Variants in SLC5A7 observed in about 807,000 individuals in gnomAD.
The protein encoded by SLC5A7 is high affinity choline transporter 1.
A neutral mutation model predicts 55.4 loss-of-function variants in SLC5A7; 19 were observed. The observed-to-expected ratio is 0.34, with a 90% CI of 0.24 to 0.50. The LOEUF is 0.50. Ranked by LOEUF, SLC5A7 falls within the 20% of genes least tolerant of loss-of-function variation. The probability of loss-of-function intolerance (pLI) is 0.98; values close to 1 mark genes in which losing one functional copy is unlikely to be tolerated. For missense variants in SLC5A7, 506 were observed against 705.3 expected (o/e 0.72, Z 3.20); for synonymous variants, 265 against 263.7 (o/e 1.00, Z -0.05).
At chr2:107,992,825 A>G (rs1677500565) in intron 3 of SLC5A7, 147 bp from the exon 4 acceptor site, 1 of 676,926 alleles carries the variant, frequency 1.5e-6, no homozygotes, top group Non-Finnish European at 2.4e-6. Context: ...CCTAATATTT[A>G]TAGTAGGTTG....
In SLC5A7 at chr2:107,988,305, T is replaced by G. The variant is rs752237303; in HGVS notation, c.150T>G (p.Gly50=). ...EAIIVGGRDI[G]LLVGGFTMTA... ...TCATAGTTGGTGGCCGAGATATTGG[T>G]TTATTGGTTGGTGGATTTACCATGA... Residue 50 remains glycine, a synonymous_variant, in exon 2 of 9, where the codon GGT becomes GGG. Coordinates refer to ENST00000264047, the MANE Select transcript of SLC5A7 (RefSeq NM_021815.5). The G allele has an allele frequency of 1.2e-6, 2 of 1,613,610 alleles. No homozygotes were observed. The highest frequency in any genetic ancestry group is 2.7e-5 in the African/African-American group (2 of 74,856).
rs201135408 is a variant in SLC5A7 at position 107,997,827 on chromosome 2, G to A, written c.449-11G>A. On this transcript the variant is annotated splice_polypyrimidine_tract_variant and intron_variant, in intron 4 of 8. Transcript: ENST00000264047. ...GGCACCTTGACCACAGAACTCTCTT[G>A]TTTGTTTCAGGAGCCACCATCAGCG... 182 of 1,602,136 alleles carry A rather than the reference G, an allele frequency of 1.1e-4. No individual in the cohort carries two copies. Among genetic ancestry groups the A allele is most frequent in the Non-Finnish European group, 1.5e-4 (178 of 1,174,148 alleles).
At chr2:107,995,194 A>C (rs1677619661) in intron 4 of SLC5A7, among the ~76,000 whole-genome samples, 1 of 152,212 alleles carries the variant, frequency 6.6e-6, no homozygotes, top group African/African-American at 2.4e-5. Flanking sequence ...AACCTGTGCA[A>C]CATGTTACTG....
chr2:107,993,705 C>G (rs191863951), intron 4 of SLC5A7, among the ~76,000 whole-genome samples: 1 of 152,226 alleles, frequency 6.6e-6, no homozygotes, highest in East Asian at 1.9e-4. Context: ...GCATGTTATT[C>G]TAAAAGCACT....
At chr2:108,005,372 A>G (rs1417248897) in intron 6 of SLC5A7, among the ~76,000 whole-genome samples, 1 of 152,224 alleles carries the variant, frequency 6.6e-6, no homozygotes, top group African/African-American at 2.4e-5. Context: ...TACTTTCAAA[A>G]TCTTAATTAT....
At chr2:107,998,577 C>T (rs753517488) in intron 5 of SLC5A7, among the ~76,000 whole-genome samples, 4 of 152,230 alleles carry the variant, frequency 2.6e-5, no homozygotes, top group Non-Finnish European at 4.4e-5. Flanking sequence ...TTTTGTGTGT[C>T]TGAACATATT....
intron 4 of SLC5A7, among the ~76,000 whole-genome samples, chr2:107,993,827 A>G (rs1451777102): frequency 6.6e-6 from 1 of 152,234 alleles, no homozygotes; most frequent in Non-Finnish European, 1.5e-5. Context: ...GATATCACCA[A>G]CCCTCTGCTG....
intron 4 of SLC5A7, among the ~76,000 whole-genome samples, chr2:107,994,019 GC>G (rs912761214): frequency 2.0e-5 from 3 of 152,158 alleles, no homozygotes; most frequent in African/African-American, 7.2e-5. Context: ...GAGAAAGCTT[GC>G]CCATGCCTTA....
At position 108,008,559 on chromosome 2, in the gene SLC5A7, G is replaced by A. The variant is rs770501137; in HGVS notation, c.990G>A (p.Val330=). Reference sequence around the variant, plus strand: ...TTGTTCTGCAGTATCTCTGCCCTGTGTATATTTCTTTCTTTGGTCTTGGTG... The same window carrying A: ...TTGTTCTGCAGTATCTCTGCCCTGTATATATTTCTTTCTTTGGTCTTGGTG... ...LPIVLQYLCP[V]YISFFGLGAV... is the part of the protein sequence containing the mutation. The change falls in exon 8 of 9, where the codon GTG becomes GTA. Residue 330 remains valine (V), a synonymous_variant. Transcript: ENST00000264047. 1.2e-6 allele frequency: 2 copies of A among 1,613,598 alleles called. No homozygotes were observed. Among genetic ancestry groups the A allele is most frequent in the East Asian group, 2.2e-5 (1 of 44,846 alleles).
chr2:108,000,163 G>GCA lies in SLC5A7; in HGVS notation c.598-1722_598-1721dup, dbSNP rs558509063. Reference sequence around the variant, plus strand: ...AACAGATGTGGGTGCGAGTGTACACGCACACACACACACCCCATTTATTCT... The same window carrying GCA: ...AACAGATGTGGGTGCGAGTGTACACGCACACACACACACACCCCATTTATTCT... On this transcript the variant is annotated intron_variant, in intron 5 of 8. Transcript: ENST00000264047. 6.3e-4 allele frequency among the ~76,000 whole-genome samples: 95 copies of GCA among 151,642 alleles called. No homozygotes were observed. The South Asian group carries it at 0.018, about 29-fold the overall frequency.
chr2:107,996,835 A>C (rs1677688644), intron 4 of SLC5A7, among the ~76,000 whole-genome samples: 2 of 152,234 alleles, frequency 1.3e-5, no homozygotes, highest in Non-Finnish European at 2.9e-5. Flanking sequence ...ATGATATTCA[A>C]ATCTTAGGCT....
chr2:108,001,986 G>A lies in SLC5A7; in HGVS notation c.687G>A (p.Leu229=), dbSNP rs1435330512. The A allele has an allele frequency of 3.7e-6, 6 of 1,614,056 alleles. No individual in the cohort carries two copies. The highest frequency in any genetic ancestry group is 4.5e-5 in the East Asian group (2 of 44,892). The part of the protein sequence containing the change: ...AVHAKYQKPW[L]GTVDSSEVYS... ...ATGCCAAATACCAAAAGCCGTGGCTGGGAACTGTTGACTCATCTGAAGTCT... is the reference window on the plus strand; with the variant it reads ...ATGCCAAATACCAAAAGCCGTGGCTAGGAACTGTTGACTCATCTGAAGTCT... The change falls in exon 6 of 9, where the codon CTG becomes CTA. Residue 229 remains leucine, a synonymous_variant. Transcript: ENST00000264047.
chr2:108,006,992 A>T (rs564501678), intron 7 of SLC5A7, among the ~76,000 whole-genome samples: 2 of 152,182 alleles, frequency 1.3e-5, no homozygotes, highest in African/African-American at 2.4e-5. Flanking sequence ...ATGGTTTTGA[A>T]AAAAGAGCAT....
At chr2:108,008,739 T>G in intron 8 of SLC5A7, 57 bp downstream of exon 8, 2 of 1,247,462 alleles carry the variant, frequency 1.6e-6, no homozygotes, top group African/African-American at 3.0e-5. Flanking sequence ...CTGCTTCTGA[T>G]GTTGTATTTG....
At chr2:108,002,489 A>T (rs1677951394) in intron 6 of SLC5A7, among the ~76,000 whole-genome samples, 2 of 151,868 alleles carry the variant, frequency 1.3e-5, no homozygotes, top group African/African-American at 4.9e-5. Context: ...TTGGAAAGGG[A>T]CATGTCACTC....
At chr2:108,001,195 G>A (rs956993273) in intron 5 of SLC5A7, among the ~76,000 whole-genome samples, 1 of 149,862 alleles carries the variant, frequency 6.7e-6, no homozygotes, top group African/African-American at 2.5e-5. Context: ...CAATAGCTAC[G>A]TATCTATTTA....
rs1310298675 is a variant in SLC5A7 at position 108,012,665 on chromosome 2, G to T, written c.*1804G>T. 6.6e-6 allele frequency: 1 copy of T among 151,974 alleles called. No individual in the cohort carries two copies. Among genetic ancestry groups the T allele is most frequent in the Non-Finnish European group, 1.5e-5 (1 of 68,014 alleles). The allele number at this position is 151,974 out of a possible 1,614,324, so 9.4% of individuals were successfully genotyped here. ...TATCATATGTATCTAAATGAAAAGA[G>T]AATTACTTATATTCATCTATTTTCT... On this transcript the variant is annotated 3_prime_UTR_variant, in exon 9 of 9. Coordinates refer to ENST00000264047, the MANE Select transcript of SLC5A7 (RefSeq NM_021815.5).
At chr2:107,992,327 A>C in intron 3 of SLC5A7, 108 bp downstream of exon 3, 1 of 592,140 alleles carries the variant, frequency 1.7e-6, no homozygotes, top group East Asian at 3.2e-5. Flanking sequence ...CCATTGTAAA[A>C]AAATGTCCCC....
rs1407757845 is a variant in SLC5A7 at position 108,001,906 on chromosome 2, G to A, written c.607G>A (p.Val203Ile). The change falls in exon 6 of 9, where the codon GTC becomes ATC. Residue 203 changes from valine to isoleucine, a missense_variant. Around this residue, in one of 4 missense-constraint regions of SLC5A7, gnomAD observed 309 missense variants for 478.6 expected, o/e 0.65. Coordinates refer to ENST00000264047, the MANE Select transcript of SLC5A7 (RefSeq NM_021815.5). Reference sequence around the variant, plus strand: ...TCACTTTCTGTTGCAGTGGATCAGCGTCCCCTTTGCATTGTCACATCCTGC... The same window carrying A: ...TCACTTTCTGTTGCAGTGGATCAGCATCCCCTTTGCATTGTCACATCCTGC... ...FCIFVGLWIS[V>I]PFALSHPAVA... The A allele has an allele frequency of 5.0e-6, 8 of 1,613,834 alleles. No homozygotes were observed. Among genetic ancestry groups the A allele is most frequent in the African/African-American group, 1.3e-5 (1 of 74,862 alleles).
Sources: gnomAD v4.1 joint callset for allele counts (sites outside exome capture counted in the v4.1 genomes callset) on GRCh38, gnomAD v4.1.1 for gene constraint, gnomAD v4.1.1 regional missense constraint, MANE v1.5 for transcripts, NCBI Gene and HGNC (gene_info 2026-07-23, HGNC 2026-07-21) for gene names.